Variants in TESC observed in about 807,000 individuals in gnomAD.
TESC encodes calcineurin B homologous protein 3.
A neutral mutation model predicts 31.0 loss-of-function variants in TESC; 19 were observed. The ratio of observed to expected loss-of-function variants is 0.61; its 90% CI spans 0.43 to 0.90. The LOEUF is 0.90. TESC is among the 40% of genes least tolerant of loss of function. The probability of loss-of-function intolerance (pLI) is 0.00; values close to 1 mark genes in which losing one functional copy is unlikely to be tolerated. For synonymous variants in TESC, 109 were observed against 114.8 expected (o/e 0.95, Z 0.32); for missense variants, 248 against 303.8 (o/e 0.82, Z 1.36).
chr12:117,091,583 T>G (rs1187725175), intron 1 of TESC, among the ~76,000 whole-genome samples: 1 of 152,226 alleles, frequency 6.6e-6, no homozygotes, highest in East Asian at 1.9e-4. Context: ...GGACTGCCAG[T>G]GGCTTGCACA....
chr12:117,057,858 T>G (rs1475720093), intron 2 of TESC, among the ~76,000 whole-genome samples: 1 of 152,026 alleles, frequency 6.6e-6, no homozygotes, highest in East Asian at 1.9e-4. Flanking sequence ...CACAATGGAG[T>G]ATTTTTTAGC....
intron 2 of TESC, among the ~76,000 whole-genome samples, chr12:117,074,973 C>T (rs907387273): frequency 1.2e-4 from 18 of 152,016 alleles, no homozygotes; most frequent in Non-Finnish European, 2.2e-4. Flanking sequence ...GGTGAAACCC[C>T]GTCTCTACTA....
chr12:117,099,324 G>T lies in TESC; in HGVS notation c.-42C>A, dbSNP rs1031645488. 1.4e-6 allele frequency: 2 copies of T among 1,400,324 alleles called. No individual in the cohort carries two copies. The highest frequency in any genetic ancestry group is 3.0e-5 in the African/African-American group (2 of 66,136). The allele number at this position is 1,400,324 out of a possible 1,614,324, so 86.7% of individuals were successfully genotyped here. On this transcript the variant is annotated 5_prime_UTR_variant, in exon 1 of 8. Transcript: ENST00000335209. ...GCCCCGGGGCGCGCGTCCCTCTCAG[G>T]CCCCGCACTGGCTTCGGCTGCGCAG...
chr12:117,080,091 C>G (rs748733767), intron 1 of TESC, among the ~76,000 whole-genome samples: 1 of 151,964 alleles, frequency 6.6e-6, no homozygotes, highest in Non-Finnish European at 1.5e-5. Context: ...TGGGATGTGC[C>G]CAAGGTCCCA....
chr12:117,078,613 T>G (rs1955104594), intron 1 of TESC, among the ~76,000 whole-genome samples: 1 of 152,184 alleles, frequency 6.6e-6, no homozygotes, highest in African/African-American at 2.4e-5. Context: ...TGTATTTGCA[T>G]AGAAATACAT....
chr12:117,081,358 T>C (rs558409656), intron 1 of TESC, among the ~76,000 whole-genome samples: 18 of 152,344 alleles, frequency 1.2e-4, no homozygotes, highest in Admixed American at 1.0e-3. Context: ...TTAAAATTCA[T>C]CTCACCATTA....
intron 4 of TESC, chr12:117,048,585 G>T: frequency 2.5e-6 from 1 of 406,612 alleles, no homozygotes. Flanking sequence ...ATGGAGGAGG[G>T]AGAGGAGGAA....
intron 1 of TESC, among the ~76,000 whole-genome samples, chr12:117,079,774 TAGAG>T (rs944504697): frequency 6.6e-6 from 1 of 152,102 alleles, no homozygotes; most frequent in East Asian, 1.9e-4. Context: ...GAGTTTCTTT[TAGAG>T]AGAGATAAAA....
intron 1 of TESC, among the ~76,000 whole-genome samples, chr12:117,097,621 A>G (rs1169339721): frequency 6.6e-6 from 1 of 152,212 alleles, no homozygotes; most frequent in East Asian, 1.9e-4. Flanking sequence ...TCTCTCTCAT[A>G]TTAGTCTTCG....
chr12:117,087,379 G>A (rs748284328), intron 1 of TESC, among the ~76,000 whole-genome samples: 2 of 152,174 alleles, frequency 1.3e-5, no homozygotes, highest in Non-Finnish European at 2.9e-5. Context: ...CCTGGTAAGA[G>A]CTGCCACAGG....
At chr12:117,040,404 G>A (rs935735198) in intron 7 of TESC, among the ~76,000 whole-genome samples, 2 of 152,238 alleles carry the variant, frequency 1.3e-5, no homozygotes, top group Admixed American at 6.5e-5. Flanking sequence ...AGATCCCTCA[G>A]GGGTACAGGG....
In TESC at chr12:117,049,117, T is replaced by C; in HGVS notation, c.251A>G (p.Asn84Ser). 6.2e-7 allele frequency: 1 copy of C among 1,614,176 alleles called. No homozygotes were observed. The highest frequency in any genetic ancestry group is 2.2e-5 in the East Asian group (1 of 44,882). The change falls in exon 4 of 8, where the codon AAT (asparagine) becomes AGT (serine). Residue 84 changes from asparagine to serine, a missense_variant. By Grantham distance (46) the Asn-to-Ser change is conservative (BLOSUM62 1). Coordinates refer to ENST00000335209, the MANE Select transcript of TESC (RefSeq NM_017899.4). ...KGPSGLADEI[N>S]FEDFLTIMSY... ...CATGATGGTCAGGAAGTCCTCGAAATTGATCTCATCAGCCAGGCCACTGGG... is the reference window on the plus strand; with the variant it reads ...CATGATGGTCAGGAAGTCCTCGAAACTGATCTCATCAGCCAGGCCACTGGG...
intron 6 of TESC, 85 bp downstream of exon 6, chr12:117,046,474 C>T (rs1267329352): frequency 3.7e-6 from 5 of 1,334,184 alleles, no homozygotes; most frequent in Non-Finnish European, 5.1e-6. Context: ...ATACACCTGG[C>T]CCCTGCCCCA....
At chr12:117,075,843 GTGTGTATATATATATATATATATATA>G (rs1955045657) in intron 1 of TESC, among the ~76,000 whole-genome samples, 2 of 40,810 alleles carry the variant, frequency 4.9e-5, no homozygotes, top group African/African-American at 2.0e-4. Context: ...TTTCGTGTGT[GTGTGTATATATATATATATATATATA>G]TGTGTGTATA....
intron 3 of TESC, among the ~76,000 whole-genome samples, chr12:117,050,832 G>C (rs903261033): frequency 7.2e-5 from 11 of 152,168 alleles, no homozygotes; most frequent in Non-Finnish European, 1.6e-4. Flanking sequence ...GGCTGAGGTG[G>C]GAGGATCACT....
intron 2 of TESC, among the ~76,000 whole-genome samples, chr12:117,059,475 G>GTCTTTT (rs1954772883): frequency 6.6e-6 from 1 of 152,192 alleles, no homozygotes; most frequent in African/African-American, 2.4e-5. Flanking sequence ...GGTAGACTCG[G>GTCTTTT]GACAGCTGGC....
chr12:117,062,790 G>C (rs919131559), intron 2 of TESC, among the ~76,000 whole-genome samples: 2 of 152,166 alleles, frequency 1.3e-5, no homozygotes, highest in Non-Finnish European at 2.9e-5. Context: ...CTAGGTCCCC[G>C]CCGGGCTGGA....
Position 117,046,544 on chromosome 12 carries a change from T to C in TESC, c.519+15A>G. On this transcript the variant is annotated intron_variant, in intron 6 of 7. Coordinates refer to ENST00000335209, the MANE Select transcript of TESC (RefSeq NM_017899.4). ...AAGGCACTGCGCGTCTCGGGAGGGC[T>C]GCAGGGGCGCTCACCATCTGCCCCA... 1 of 1,545,372 alleles carries C rather than the reference T, an allele frequency of 6.5e-7. No individual in the cohort carries two copies. Among genetic ancestry groups the C allele is most frequent in the South Asian group, 1.2e-5 (1 of 83,774 alleles).
In TESC at chr12:117,056,800, G is replaced by A. The variant is rs1954732041; in HGVS notation, c.209+6C>T. 2.5e-6 allele frequency: 4 copies of A among 1,613,972 alleles called. No individual in the cohort carries two copies. The highest frequency in any genetic ancestry group is 2.2e-5 in the East Asian group (1 of 44,884). On this transcript the variant is annotated splice_donor_region_variant and intron_variant, in intron 3 of 7. Coordinates refer to ENST00000335209, the MANE Select transcript of TESC (RefSeq NM_017899.4). The stretch of plus-strand genomic sequence containing the variant: ...CCACTGGGCTGGTTCAGGGGAAAAC[G>A]CCCACCTGTTGTCGAAGAAGGCACG...
Sources: gnomAD v4.1 joint callset for allele counts (sites outside exome capture counted in the v4.1 genomes callset) on GRCh38, gnomAD v4.1.1 for gene constraint, MANE v1.5 for transcripts, NCBI Gene and HGNC (gene_info 2026-07-23, HGNC 2026-07-21) for gene names.